NFXL1: variants seen among roughly 807,000 people sequenced by gnomAD.
NFXL1 encodes nuclear transcription factor, X-box binding like 1.
Under a neutral mutation model 123.3 loss-of-function variants are expected in NFXL1, and 66 were observed. That is an observed-to-expected ratio of 0.54 (90% CI 0.44 to 0.66). NFXL1 has a LOEUF of 0.66. Among genes scored for constraint, NFXL1 ranks in the 30% least tolerant of loss-of-function variants. The probability of loss-of-function intolerance (pLI) is 0.00; values close to 1 mark genes in which losing one functional copy is unlikely to be tolerated. For missense variants in NFXL1, 944 were observed against 1,125.6 expected, an observed-to-expected ratio of 0.84 and a Z score of 2.31; for synonymous variants, 346 against 360.8, an observed-to-expected ratio of 0.96 and a Z score of 0.46.
At position 47,914,430 on chromosome 4, in the gene NFXL1, T is replaced by A; in HGVS notation, c.-68A>T. 2.1e-6 allele frequency: 1 copy of A among 487,666 alleles called. No homozygotes were observed. The highest frequency in any genetic ancestry group is 3.6e-6 in the Non-Finnish European group (1 of 274,044). The allele number at this position is 487,666 out of a possible 1,614,324, so 30.2% of individuals were successfully genotyped here. A position where few individuals can be genotyped will look rare whatever the true frequency, so the allele number is the denominator to read the frequency against. On this transcript the variant is annotated 5_prime_UTR_variant, in exon 1 of 23. Transcript: ENST00000507489. ...ACCGAAGAGGGGAGGGAGGACTAGG[T>A]ACAGAAATAAACCGCGGAGCAAGAA... is the stretch of plus-strand genomic sequence containing the variant.
chr4:47,913,956 G>A lies in NFXL1; in HGVS notation c.235+13C>T. 6.5e-7 allele frequency: 1 copy of A among 1,534,122 alleles called. No homozygotes were observed. The highest frequency in any genetic ancestry group is 1.2e-5 in the South Asian group (1 of 83,704). On this transcript the variant is annotated intron_variant, in intron 2 of 22. Coordinates refer to ENST00000507489, the MANE Select transcript of NFXL1 (RefSeq NM_001278624.2). The stretch of plus-strand genomic sequence containing the variant: ...GGCATCCAGGTGAGCACGCGGGCGG[G>A]AGCCATTCTCACCGCTGGCTGCGGT...
At chr4:47,878,147 AACT>A in intron 17 of NFXL1, among the ~76,000 whole-genome samples, 1 of 152,184 alleles carries the variant, frequency 6.6e-6, no homozygotes, top group Middle Eastern at 3.4e-3. Context: ...CAGGTTTGAA[AACT>A]AACTTAGAGT....
At chr4:47,901,906 A>T (rs1195684902) in intron 5 of NFXL1, among the ~76,000 whole-genome samples, 2 of 152,180 alleles carry the variant, frequency 1.3e-5, no homozygotes, top group Non-Finnish European at 2.9e-5. Context: ...CACTGGCCAG[A>T]CGCAGTGGCT....
At chr4:47,866,785 T>C (rs1401426786) in intron 18 of NFXL1, among the ~76,000 whole-genome samples, 1 of 152,192 alleles carries the variant, frequency 6.6e-6, no homozygotes, top group Non-Finnish European at 1.5e-5. Flanking sequence ...ATAAATCAAA[T>C]GGTTTATGCT....
rs753862223 is a variant in NFXL1 at position 47,914,215 on chromosome 4, A to AG, written c.-2-11dup. On this transcript the variant is annotated splice_polypyrimidine_tract_variant and intron_variant, in intron 1 of 22. Transcript: ENST00000507489. ...CAGGAAGCTTCCATCCCTGCAAAGG[A>AG]GAAAAAAAAAAAAAAGAGTGGAAGG... The AG allele has an allele frequency of 1.4e-4, 193 of 1,416,388 alleles. No homozygotes were observed. The highest frequency in any genetic ancestry group is 1.6e-4 in the Non-Finnish European group (174 of 1,076,482). The allele number at this position is 1,416,388 out of a possible 1,614,324, so 87.7% of individuals were successfully genotyped here.
At chr4:47,895,548 C>T (rs1737034723) in intron 10 of NFXL1, among the ~76,000 whole-genome samples, 1 of 152,204 alleles carries the variant, frequency 6.6e-6, no homozygotes, top group African/African-American at 2.4e-5. Flanking sequence ...CCTTAAACTT[C>T]ATGAACCAAC....
In NFXL1 at chr4:47,875,142, A is replaced by G. The variant is rs1260013554; in HGVS notation, c.2231T>C (p.Leu744Pro). ...RIKCHCKITSLYVECRKITTA... is the reference protein window; with the variant it reads ...RIKCHCKITSPYVECRKITTA... Reference sequence around the variant, plus strand: ...GTCTACTTACCTACATTCCACATACAGGCTTGTGATCTTACAGTGACATTT... The same window carrying G: ...GTCTACTTACCTACATTCCACATACGGGCTTGTGATCTTACAGTGACATTT... Residue 744 changes from leucine to proline, a missense_variant, in exon 18 of 23, where the codon CTG (leucine) becomes CCG (proline). Leu to Pro is a moderately conservative substitution (Grantham distance 98). Around this residue, in one of 4 missense-constraint regions of NFXL1, gnomAD observed 301 missense variants for 348.0 expected, o/e 0.86. Transcript: ENST00000507489. The G allele has an allele frequency of 3.1e-6, 5 of 1,608,488 alleles. No homozygotes were observed. Among genetic ancestry groups the G allele is most frequent in the Non-Finnish European group, 4.3e-6 (5 of 1,175,858 alleles).
chr4:47,889,729 A>C (rs1269045188), intron 12 of NFXL1, among the ~76,000 whole-genome samples: 1 of 152,198 alleles, frequency 6.6e-6, no homozygotes, highest in Non-Finnish European at 1.5e-5. Context: ...AAATGAGTGA[A>C]GTTAACTCAG....
chr4:47,851,479 C>T (rs998255069), intron 21 of NFXL1, among the ~76,000 whole-genome samples: 6 of 152,000 alleles, frequency 3.9e-5, no homozygotes, highest in African/African-American at 1.4e-4. Context: ...TATTAAGAAT[C>T]TAGAATTAAT....
At position 47,853,983 on chromosome 4, in the gene NFXL1, G is replaced by A. The variant is rs1384122367; in HGVS notation, c.2421+1076C>T. Among the ~76,000 whole-genome samples the A allele has an allele frequency of 6.6e-5, 10 of 152,052 alleles. No individual in the cohort carries two copies. In the East Asian group the frequency reaches 1.9e-3, roughly 29 times the overall value. On this transcript the variant is annotated intron_variant, in intron 20 of 22. Transcript: ENST00000507489. ...AAGTACTAACGGGTGGGTGGCATAT[G>A]GCACTTGGACAAGACATGAGATTTC...
intron 5 of NFXL1, 56 bp downstream of exon 5, chr4:47,903,137 G>C: frequency 1.5e-6 from 2 of 1,321,884 alleles, no homozygotes; most frequent in Non-Finnish European, 2.1e-6. Flanking sequence ...TGCGTGACAA[G>C]AGCAAAACTC....
intron 13 of NFXL1, 39 bp downstream of exon 13, chr4:47,885,840 C>T (rs1311451538): frequency 3.3e-5 from 52 of 1,581,646 alleles, no homozygotes; most frequent in Non-Finnish European, 4.4e-5. Context: ...TAAATTTGTA[C>T]AACATCAGAT....
At chr4:47,909,424 C>T (rs1318572433) in intron 3 of NFXL1, among the ~76,000 whole-genome samples, 10 of 152,126 alleles carry the variant, frequency 6.6e-5, no homozygotes, top group Admixed American at 6.5e-4. Context: ...TAGGTTTAAA[C>T]CCAGCTCTGC....
At chr4:47,859,793 GA>G (rs1734622381) in intron 19 of NFXL1, among the ~76,000 whole-genome samples, 1 of 129,080 alleles carries the variant, frequency 7.7e-6, no homozygotes, top group South Asian at 2.7e-4. Context: ...AGTGAGCCAA[GA>G]TTGCGCCACC....
chr4:47,854,604 G>C (rs764097785), intron 20 of NFXL1, among the ~76,000 whole-genome samples: 4 of 151,972 alleles, frequency 2.6e-5, no homozygotes, highest in Non-Finnish European at 5.9e-5. Flanking sequence ...CTATTCATAT[G>C]AGGTCTTTTT....
At chr4:47,860,874 C>T (rs1734726858) in intron 19 of NFXL1, among the ~76,000 whole-genome samples, 3 of 147,398 alleles carry the variant, frequency 2.0e-5, no homozygotes, top group South Asian at 2.2e-4. Context: ...TTTTTTGAGA[C>T]GGAGTTTTGC....
At chr4:47,894,594 A>G (rs1001699910) in intron 10 of NFXL1, among the ~76,000 whole-genome samples, 1 of 151,922 alleles carries the variant, frequency 6.6e-6, no homozygotes, top group African/African-American at 2.4e-5. Context: ...CAACCATAAC[A>G]TCTGCAACTC....
intron 10 of NFXL1, among the ~76,000 whole-genome samples, chr4:47,895,475 C>G (rs890977557): frequency 2.0e-5 from 3 of 152,228 alleles, no homozygotes; most frequent in Non-Finnish European, 4.4e-5. Flanking sequence ...GATAACCCGA[C>G]AGCTTCTACA....
At chr4:47,890,021 A>G (rs1035000426) in intron 12 of NFXL1, among the ~76,000 whole-genome samples, 5 of 152,118 alleles carry the variant, frequency 3.3e-5, no homozygotes, top group Non-Finnish European at 7.4e-5. Context: ...GTATTAAGAT[A>G]TAATGGGTTT....
Sources: gnomAD v4.1 joint callset for allele counts (sites outside exome capture counted in the v4.1 genomes callset) on GRCh38, gnomAD v4.1.1 for gene constraint, gnomAD v4.1.1 regional missense constraint, MANE v1.5 for transcripts, NCBI Gene and HGNC (gene_info 2026-07-23, HGNC 2026-07-21) for gene names.